Variants in ENTPD8 observed in about 807,000 individuals in gnomAD.
ENTPD8 encodes E-NTPDase 8.
A neutral mutation model predicts 47.0 loss-of-function variants in ENTPD8; 35 were observed. The observed-to-expected ratio is 0.75, with a 90% CI of 0.57 to 0.99. The LOEUF (loss-of-function observed/expected upper bound fraction) is 0.99. Ranked by LOEUF, ENTPD8 falls within the 50% of genes least tolerant of loss-of-function variation. ENTPD8 has a pLI of 0.00. For missense variants in ENTPD8, 668 were observed against 649.9 expected (o/e 1.03, Z -0.30); for synonymous variants, 308 against 290.5 (o/e 1.06, Z -0.61).
At chr9:137,439,009 G>A (rs1477123598) in intron 1 of ENTPD8, among the ~76,000 whole-genome samples, 1 of 152,130 alleles carries the variant, frequency 6.6e-6, no homozygotes, top group African/African-American at 2.4e-5. Context: ...CTCCTAGGGT[G>A]GGGGTTTCTC....
Position 137,436,654 on chromosome 9 carries a change from C to A in ENTPD8, c.653G>T (p.Gly218Val). ...GASTQITFVP[G>V]GPILDKSTQA... is the part of the protein sequence containing the mutation. Reference sequence around the variant, plus strand: ...GGTGCTCTTGTCCAAGATGGGGCCCCCAGGCACGAACGTGATCTGGGTGGA... The same window carrying A: ...GGTGCTCTTGTCCAAGATGGGGCCCACAGGCACGAACGTGATCTGGGTGGA... The change falls in exon 6 of 10, where the codon GGG becomes GTG. Residue 218 changes from glycine to valine, a missense_variant. Coordinates refer to ENST00000371506, the MANE Select transcript of ENTPD8 (RefSeq NM_001033113.2). The A allele has an allele frequency of 1.9e-6, 3 of 1,601,748 alleles. No individual in the cohort carries two copies. Among genetic ancestry groups the A allele is most frequent in the Non-Finnish European group, 1.7e-6 (2 of 1,174,832 alleles).
At position 137,434,568 on chromosome 9, in the gene ENTPD8, G is replaced by A; in HGVS notation, c.*346C>T. The A allele has an allele frequency of 1.6e-6, 1 of 618,880 alleles. No individual in the cohort carries two copies. The highest frequency in any genetic ancestry group is 2.7e-6 in the Non-Finnish European group (1 of 366,560). The allele number at this position is 618,880 out of a possible 1,614,324, so 38.3% of individuals were successfully genotyped here. ...TCCGCCCCTCCTGAGGCCCCATCAG[G>A]AGCAGGACCCCTGTGCCTCCGTGGT... On this transcript the variant is annotated 3_prime_UTR_variant, in exon 10 of 10. Transcript: ENST00000371506.
At position 137,435,780 on chromosome 9, in the gene ENTPD8, C is replaced by T. The variant is rs748456752; in HGVS notation, c.1100G>A (p.Arg367Lys). The change falls in exon 8 of 10, where the codon AGG becomes AAG. Residue 367 changes from arginine (R) to lysine (K), a missense_variant. By Grantham distance (26) the Arg-to-Lys change is conservative (BLOSUM62 2). Coordinates refer to ENST00000371506, the MANE Select transcript of ENTPD8 (RefSeq NM_001033113.2). ...GGCGTTGACCGTGCTCAGGGGCTGC[C>T]TGGAGGTGAGGTTCAGGAAGTGGAA... ...YTFHFLNLTS[R>K]QPLSTVNATI... The T allele has an allele frequency of 3.0e-5, 49 of 1,613,488 alleles. No individual in the cohort carries two copies. Among genetic ancestry groups the T allele is most frequent in the Non-Finnish European group, 4.1e-5 (48 of 1,179,936 alleles).
In ENTPD8 at chr9:137,436,080, C is replaced by T. The variant is rs755788891; in HGVS notation, c.983G>A (p.Ser328Asn). ...GGCGCAGTCCTCCTGGCCCTGGCAG[C>T]TGGAGAAGTTGAAAAGTTCCCGGAT... Reference protein sequence around the residue: ...SAIRELFNFSSCQGQEDCAFD... With the variant: ...SAIRELFNFSNCQGQEDCAFD... Residue 328 changes from serine to asparagine, a missense_variant, in exon 7 of 10, where the codon AGC becomes AAC. By Grantham distance (46) the Ser-to-Asn change is conservative. Transcript: ENST00000371506. 5.0e-6 allele frequency: 8 copies of T among 1,612,990 alleles called. No homozygotes were observed. In the Admixed American group the frequency reaches 1.3e-4, roughly 27 times the overall value.
At chr9:137,435,158 A>C (rs760843487) in intron 9 of ENTPD8, 46 bp downstream of exon 9, 20 of 1,602,050 alleles carry the variant, frequency 1.2e-5, no homozygotes, top group East Asian at 1.1e-4. Context: ...CAGGACCACG[A>C]CCTGCCCACG....
Position 137,436,947 on chromosome 9 carries a change from ACCC to A in ENTPD8, c.474_476del (p.Trp158_Gly159delinsCys). 6.2e-7 allele frequency: 1 copy of A among 1,613,010 alleles called. No homozygotes were observed. ...CGGCCTGCCCGGCCAGGAGCTCGGC[ACCC>A]CAAAAGTCCACGGGAGACCGGCCCA... On this transcript the variant is annotated inframe_deletion, in exon 5 of 10. Transcript: ENST00000371506.
In ENTPD8 at chr9:137,435,015, C is replaced by T. The variant is rs372310542; in HGVS notation, c.1387G>A (p.Glu463Lys). The change falls in exon 10 of 10, where the codon GAG becomes AAG. Residue 463 changes from glutamate to lysine, a missense_variant. Physicochemically the swap from Glu to Lys is moderately conservative, Grantham distance 56. Transcript: ENST00000371506. ...PADAPAQWRA[E>K]SYGVWVAKVV... Reference sequence around the variant, plus strand: ...TTGGCCACCCAGACGCCGTAGCTCTCTGCCCGCCACTGAGCCGGCGCATCG... The same window carrying T: ...TTGGCCACCCAGACGCCGTAGCTCTTTGCCCGCCACTGAGCCGGCGCATCG... 9.3e-6 allele frequency: 15 copies of T among 1,610,906 alleles called. No individual in the cohort carries two copies. The African/African-American group carries it at 9.3e-5, about 10-fold the overall frequency.
intron 3 of ENTPD8, 54 bp from the exon 4 acceptor site, chr9:137,437,363 A>C: frequency 6.4e-7 from 1 of 1,569,630 alleles, no homozygotes; most frequent in Non-Finnish European, 8.6e-7. Context: ...GCTGGGCTGA[A>C]AGGTAGCCCC....
chr9:137,437,301 T>C lies in ENTPD8; in HGVS notation c.253A>G (p.Ile85Val), dbSNP rs1839396432. The C allele has an allele frequency of 6.2e-7, 1 of 1,610,756 alleles. No individual in the cohort carries two copies. The highest frequency in any genetic ancestry group is 8.5e-7 in the Non-Finnish European group (1 of 1,178,638). Residue 85 changes from isoleucine to valine, a missense_variant, in exon 4 of 10, where the codon ATC (isoleucine) becomes GTC (valine). Physicochemically the swap from Ile to Val is conservative, Grantham distance 29 (BLOSUM62 3). Transcript: ENST00000371506. ...GCAGCATTAGAAGTGTAGGAGGAGA[T>C]TCCAGGCCCTGGAACAGCAGCCGGG... ...ALACQVEGPG[I>V]SSYTSNAAQA...
chr9:137,438,716 C>T lies in ENTPD8; in HGVS notation c.-20-411G>A, dbSNP rs114227953. Among the ~76,000 whole-genome samples the T allele has an allele frequency of 8.8e-3, 1,334 of 152,236 alleles. 18 individuals are homozygous for T. Among genetic ancestry groups the T allele is most frequent in the African/African-American group, 0.019 (805 of 41,536 alleles). ...GCCAAGGACCACTCCCCAGGAGCCA[C>T]GCCTGCCAGGGGTGCCATGGGCATC... On this transcript the variant is annotated intron_variant, in intron 1 of 9. Coordinates refer to ENST00000371506, the MANE Select transcript of ENTPD8 (RefSeq NM_001033113.2). This position sits in a 1 kb window ranked among gnomAD's most constrained non-coding sequence, Gnocchi z 5.7.
rs892379693 is a variant in ENTPD8, at chr9:137,438,802, A to C, written c.-20-497T>G. 1.3e-5 allele frequency among the ~76,000 whole-genome samples: 2 copies of C among 152,076 alleles called. No individual in the cohort carries two copies. The highest frequency in any genetic ancestry group is 2.9e-5 in the Non-Finnish European group (2 of 67,952). ...AGGCCTCGTCTGGGGACACAGCCCC[A>C]GCAGGATCCAAGTAGCCCCCTCGGA... On this transcript the variant is annotated intron_variant, in intron 1 of 9. Coordinates refer to ENST00000371506, the MANE Select transcript of ENTPD8 (RefSeq NM_001033113.2). The surrounding 1 kb of genome is among the most constrained non-coding windows in gnomAD (Gnocchi z 5.7).
chr9:137,435,085 G>C lies in ENTPD8; in HGVS notation c.1317C>G (p.Gly439=). The C allele has an allele frequency of 6.2e-7, 1 of 1,610,926 alleles. No homozygotes were observed. The highest frequency in any genetic ancestry group is 8.5e-7 in the Non-Finnish European group (1 of 1,179,570). Residue 439 remains glycine, a synonymous_variant, in exon 10 of 10, where the codon GGC becomes GGG. Transcript: ENST00000371506. ...FRKQAGGVDI[G]WTLGYMLNLT... ...GGTTCAGCATGTAGCCCAGTGTCCA[G>C]CCAATGTCCACACCGCCCGCCTGCG...
At chr9:137,435,689 C>T in intron 8 of ENTPD8, 30 bp downstream of exon 8, 4 of 1,588,488 alleles carry the variant, frequency 2.5e-6, no homozygotes, top group Non-Finnish European at 3.5e-6. Context: ...GGGACCCTCG[C>T]TGCAGCCAGG....
At chr9:137,439,933 G>A in intron 1 of ENTPD8, among the ~76,000 whole-genome samples, 1 of 94,208 alleles carries the variant, frequency 1.1e-5, no homozygotes, top group African/African-American at 4.6e-5. Flanking sequence ...CCCAGACCAG[G>A]AGAGCCCCCC....
rs368175211 is a variant in ENTPD8, at chr9:137,438,133, C to T, written c.126+27G>A. ...GGAGGCAACACCTGTGGACCCGGCC[C>T]GGCCTCCCCTGCCGGCGGGGACGCA... On this transcript the variant is annotated intron_variant, in intron 2 of 9. Transcript: ENST00000371506. The surrounding 1 kb of genome is among the most constrained non-coding windows in gnomAD (Gnocchi z 5.7). 9.3e-5 allele frequency: 149 copies of T among 1,609,772 alleles called. No individual in the cohort carries two copies. The highest frequency in any genetic ancestry group is 3.3e-4 in the Middle Eastern group (2 of 6,068).
Position 137,435,066 on chromosome 9 carries a change from G to T in ENTPD8, c.1336C>A (p.Leu446Met), listed in dbSNP as rs1588474679. 6.2e-7 allele frequency: 1 copy of T among 1,611,836 alleles called. No homozygotes were observed. The highest frequency in any genetic ancestry group is 1.3e-5 in the African/African-American group (1 of 74,942). ...VDIGWTLGYM[L>M]NLTGMIPADA... ...GCCGGGATCATCCCGGTCAGGTTCAGCATGTAGCCCAGTGTCCAGCCAATG... is the reference window on the plus strand; with the variant it reads ...GCCGGGATCATCCCGGTCAGGTTCATCATGTAGCCCAGTGTCCAGCCAATG... Residue 446 changes from leucine (L) to methionine (M), a missense_variant, in exon 10 of 10, where the codon CTG becomes ATG. Coordinates refer to ENST00000371506, the MANE Select transcript of ENTPD8 (RefSeq NM_001033113.2).
In ENTPD8 at chr9:137,436,510, G is replaced by A. The variant is rs1353725842; in HGVS notation, c.786+11C>T. The A allele has an allele frequency of 6.3e-7, 1 of 1,593,240 alleles. No individual in the cohort carries two copies. The highest frequency in any genetic ancestry group is 1.8e-5 in the Admixed American group (1 of 56,456). ...CCACAGCCCCATGCACCCTCCCCAG[G>A]GCCAGCTGACCTGTACCAGCCCCAC... On this transcript the variant is annotated intron_variant, in intron 6 of 9. Coordinates refer to ENST00000371506, the MANE Select transcript of ENTPD8 (RefSeq NM_001033113.2).
At position 137,434,735 on chromosome 9, in the gene ENTPD8, G is replaced by T; in HGVS notation, c.*179C>A. On this transcript the variant is annotated 3_prime_UTR_variant, in exon 10 of 10. Transcript: ENST00000371506. ...GGAGGTTGGGGGAGGGACGCCGGGA[G>T]GGGAGGTCATGCAGCCTCTGTGGCC... 1.3e-6 allele frequency: 1 copy of T among 798,864 alleles called. No individual in the cohort carries two copies. The highest frequency in any genetic ancestry group is 1.9e-6 in the Non-Finnish European group (1 of 526,702). The allele number at this position is 798,864 out of a possible 1,614,324, so 49.5% of individuals were successfully genotyped here.
Position 137,438,443 on chromosome 9 carries a change from C to G in ENTPD8, c.-20-138G>C, listed in dbSNP as rs1839429319. On this transcript the variant is annotated intron_variant, in intron 1 of 9. Transcript: ENST00000371506. This position sits in a 1 kb window ranked among gnomAD's most constrained non-coding sequence, Gnocchi z 5.7. ...TTGCCTTAGAGGCATCTCCGGGGCTCAGACGCCTCCCGTGGCCATAGAGGC... is the reference window on the plus strand; with the variant it reads ...TTGCCTTAGAGGCATCTCCGGGGCTGAGACGCCTCCCGTGGCCATAGAGGC... 3.1e-6 allele frequency: 3 copies of G among 980,628 alleles called. No homozygotes were observed. The highest frequency in any genetic ancestry group is 3.1e-5 in the Admixed American group (1 of 32,320). The allele number at this position is 980,628 out of a possible 1,614,324, so 60.7% of individuals were successfully genotyped here.
Sources: allele counts gnomAD v4.1 joint callset (sites outside exome capture counted in the v4.1 genomes callset), GRCh38; gene constraint gnomAD v4.1.1; non-coding constraint Gnocchi (gnomAD v3.1); transcripts MANE v1.5; gene names NCBI Gene and HGNC (gene_info 2026-07-23, HGNC 2026-07-21).